Variants in STK24 observed in about 807,000 individuals in gnomAD.
STK24 encodes the protein serine/threonine-protein kinase 24.
In STK24, 21 loss-of-function variants were observed where a neutral mutation model predicts 55.6. The observed-to-expected ratio is 0.38, with a 90% CI of 0.27 to 0.54. The LOEUF (loss-of-function observed/expected upper bound fraction) is 0.54. Ranked by LOEUF, STK24 falls within the 20% of genes least tolerant of loss-of-function variation. The pLI is 0.79. For synonymous variants in STK24, 200 were observed against 215.2 expected, an observed-to-expected ratio of 0.93 and a Z score of 0.62; for missense variants, 383 against 538.4, an observed-to-expected ratio of 0.71 and a Z score of 2.86.
In STK24 at chr13:98,446,779, C is replaced by T; in HGVS notation, c.*6394G>A. 1 of 1,614,208 alleles carries T rather than the reference C, an allele frequency of 6.2e-7. No individual in the cohort carries two copies. The highest frequency in any genetic ancestry group is 8.5e-7 in the Non-Finnish European group (1 of 1,180,030). Reference sequence around the variant, plus strand: ...TCAAGCTGCACTTCAAGTCCCACGTCTACTACTTCAGGGCGGAAAGCGAGT... The same window carrying T: ...TCAAGCTGCACTTCAAGTCCCACGTTTACTACTTCAGGGCGGAAAGCGAGT... On this transcript the variant is annotated 3_prime_UTR_variant, in exon 11 of 11. Coordinates refer to ENST00000539966, the MANE Select transcript of STK24 (RefSeq NM_001032296.4).
chr13:98,528,166 G>A (rs1463486603), intron 1 of STK24, among the ~76,000 whole-genome samples: 1 of 152,100 alleles, frequency 6.6e-6, no homozygotes. Flanking sequence ...GGGCCCATCA[G>A]TCTCGGGCTC....
intron 1 of STK24, among the ~76,000 whole-genome samples, chr13:98,543,214 T>C (rs1258573869): frequency 6.6e-6 from 1 of 151,956 alleles, no homozygotes; most frequent in African/African-American, 2.4e-5. Context: ...AACTAAACAC[T>C]TGAAGGGCAA....
At chr13:98,567,098 GA>G (rs1446904504) in intron 1 of STK24, among the ~76,000 whole-genome samples, 1 of 152,174 alleles carries the variant, frequency 6.6e-6, no homozygotes, top group Admixed American at 6.5e-5. Context: ...GAAATCACTT[GA>G]AGGCCATACC....
At chr13:98,545,583 G>A (rs1444136660) in intron 1 of STK24, among the ~76,000 whole-genome samples, 5 of 147,272 alleles carry the variant, frequency 3.4e-5, no homozygotes, top group Non-Finnish European at 5.9e-5. Context: ...GCAGTGAGCC[G>A]AGATTACGCC....
intron 1 of STK24, among the ~76,000 whole-genome samples, chr13:98,554,871 C>A (rs1436217307): frequency 6.6e-6 from 1 of 151,826 alleles, no homozygotes; most frequent in African/African-American, 2.4e-5. Context: ...AAAAATTAGC[C>A]AGGCATGGTG....
chr13:98,485,213 G>A (rs1894759352), intron 2 of STK24, among the ~76,000 whole-genome samples: 1 of 152,230 alleles, frequency 6.6e-6, no homozygotes, highest in African/African-American at 2.4e-5. Context: ...AGAGCCAGCT[G>A]TGCAGGAGAC....
intron 3 of STK24, among the ~76,000 whole-genome samples, chr13:98,481,905 A>C (rs1001487101): frequency 6.6e-6 from 1 of 151,992 alleles, no homozygotes; most frequent in African/African-American, 2.4e-5. Context: ...CAACAACAAC[A>C]ACAACCACAA....
rs1444706027 is a variant in STK24, at chr13:98,450,785, CTCTT to C, written c.*2384_*2387del. On this transcript the variant is annotated 3_prime_UTR_variant, in exon 11 of 11. Coordinates refer to ENST00000539966, the MANE Select transcript of STK24 (RefSeq NM_001032296.4). ...GTGGTAGCCCTGGTGCCTGGGCTCT[CTCTT>C]AATGCAGGCCTGGAAGTGGCGACAC... 6.6e-6 allele frequency: 1 copy of C among 152,286 alleles called. No homozygotes were observed. Among genetic ancestry groups the C allele is most frequent in the Non-Finnish European group, 1.5e-5 (1 of 68,074 alleles). 9.4% of individuals were successfully genotyped at this position (152,286 alleles called of 1,614,324 possible).
At chr13:98,573,192 T>C (rs1217630604) in intron 1 of STK24, among the ~76,000 whole-genome samples, 2 of 152,238 alleles carry the variant, frequency 1.3e-5, no homozygotes, top group Non-Finnish European at 2.9e-5. Context: ...TTGATCCTGA[T>C]GTAAAATATA....
chr13:98,500,621 C>A (rs951036600), intron 2 of STK24, among the ~76,000 whole-genome samples: 1 of 147,396 alleles, frequency 6.8e-6, no homozygotes, highest in South Asian at 2.2e-4. Context: ...CTTCCCACCC[C>A]CACCCCCCAC....
intron 1 of STK24, among the ~76,000 whole-genome samples, chr13:98,527,028 C>T (rs1382655496): frequency 6.6e-6 from 1 of 152,170 alleles, no homozygotes; most frequent in Non-Finnish European, 1.5e-5. Context: ...TGACATATAT[C>T]GATACACACT....
chr13:98,474,085 G>A (rs1237727217), intron 5 of STK24, among the ~76,000 whole-genome samples: 2 of 152,174 alleles, frequency 1.3e-5, no homozygotes, highest in African/African-American at 2.4e-5. Flanking sequence ...CAGACTGTGC[G>A]AACTGAAGTT....
In STK24 at chr13:98,457,384, C is replaced by G. The variant is rs79191270; in HGVS notation, c.1123-80G>C. The G allele has an allele frequency of 1.8e-5, 29 of 1,600,418 alleles. 1 individual carries two copies. In the East Asian group the frequency reaches 4.9e-4, roughly 27 times the overall value. ...GAAGCATGCTGTTCAAGGAACAACA[C>G]GGCGTGTGGACCACGACACTACCCC... On this transcript the variant is annotated intron_variant, in intron 9 of 10. Transcript: ENST00000539966.
intron 1 of STK24, chr13:98,522,015 C>G: frequency 1.4e-6 from 2 of 1,429,802 alleles, no homozygotes; most frequent in Non-Finnish European, 1.8e-6. Flanking sequence ...CTCCTCCACT[C>G]TCTCCTTCCT....
At chr13:98,521,798 G>C (rs1407881061) in intron 1 of STK24, 2 of 781,418 alleles carry the variant, frequency 2.6e-6, no homozygotes, top group Non-Finnish European at 4.8e-6. Flanking sequence ...GGATGAGGTA[G>C]AGTGGCCCTC....
chr13:98,496,968 C>A (rs1895273316), intron 2 of STK24, among the ~76,000 whole-genome samples: 1 of 152,228 alleles, frequency 6.6e-6, no homozygotes. Context: ...ATCCTACTCT[C>A]CCCCTCCAAG....
intron 1 of STK24, among the ~76,000 whole-genome samples, chr13:98,555,930 C>T (rs1897278829): frequency 6.6e-6 from 1 of 151,642 alleles, no homozygotes; most frequent in Admixed American, 6.6e-5. Context: ...GATCCACCCG[C>T]CTCGGCCTCT....
intron 1 of STK24, among the ~76,000 whole-genome samples, chr13:98,548,321 AT>A (rs1235064105): frequency 2.0e-5 from 3 of 152,186 alleles, no homozygotes; most frequent in Non-Finnish European, 4.4e-5. Context: ...TGTTCCCATT[AT>A]GGTGTGACCT....
rs182204707 is a variant in STK24 at position 98,502,247 on chromosome 13, T to G, written c.273+16996A>C. On this transcript the variant is annotated intron_variant, in intron 2 of 10. Coordinates refer to ENST00000539966, the MANE Select transcript of STK24 (RefSeq NM_001032296.4). ...TCTGGGTGCAGGGCCACATCTGCTA[T>G]GTTCCTATCTGCGTTCCTGGCCCGA... is the stretch of plus-strand genomic sequence containing the variant. Among the ~76,000 whole-genome samples the G allele has an allele frequency of 1.6e-3, 239 of 152,300 alleles. 1 individual carries two copies. The highest frequency in any genetic ancestry group is 4.1e-3 in the African/African-American group (170 of 41,568).
Sources: gnomAD v4.1 joint callset for allele counts (sites outside exome capture counted in the v4.1 genomes callset) on GRCh38, gnomAD v4.1.1 for gene constraint, MANE v1.5 for transcripts, NCBI Gene and HGNC (gene_info 2026-07-23, HGNC 2026-07-21) for gene names.